The following SEMA6D variants were observed in gnomAD, a reference collection of about 807,000 sequenced individuals.
The protein encoded by SEMA6D is semaphorin 6D.
SEMA6D carries 35 observed loss-of-function variants against 106.6 expected under a neutral mutation model. That is an observed-to-expected ratio of 0.33 (90% CI 0.25 to 0.44). The LOEUF (loss-of-function observed/expected upper bound fraction) is 0.44. Ranked by LOEUF, SEMA6D falls within the 20% of genes least tolerant of loss-of-function variation. The pLI, the probability that SEMA6D is intolerant of heterozygous loss-of-function variation, is 1.00. For missense variants in SEMA6D, 1,185 were observed against 1,345.9 expected, an observed-to-expected ratio of 0.88 and a Z score of 1.87; for synonymous variants, 499 against 487.7, an observed-to-expected ratio of 1.02 and a Z score of -0.31.
At chr15:47,280,376 C>T (rs1039277835) in intron 1 of SEMA6D, among the ~76,000 whole-genome samples, 9 of 151,216 alleles carry the variant, frequency 6.0e-5, no homozygotes, top group East Asian at 2.0e-4. Flanking sequence ...TGGTGATATC[C>T]TCTTTATCAT....
At chr15:47,643,750 C>T (rs1034820724) in intron 4 of SEMA6D, among the ~76,000 whole-genome samples, 3 of 152,170 alleles carry the variant, frequency 2.0e-5, no homozygotes, top group African/African-American at 7.2e-5. Context: ...TTTATCATTT[C>T]TGTGTGTTGG....
chr15:47,520,816 GGGAGGGTGCCAGAA>G (rs1177533077), intron 3 of SEMA6D, among the ~76,000 whole-genome samples: 1 of 152,204 alleles, frequency 6.6e-6, no homozygotes, highest in Non-Finnish European at 1.5e-5. Context: ...CAAAGAGGAA[GGGAGGGTGCCAGAA>G]GGAGGCTAGA....
chr15:47,354,616 T>C (rs79185687), intron 1 of SEMA6D, among the ~76,000 whole-genome samples: 1 of 151,760 alleles, frequency 6.6e-6, no homozygotes, highest in African/African-American at 2.4e-5. Flanking sequence ...TATGTACATA[T>C]ATACACACAT....
intron 1 of SEMA6D, among the ~76,000 whole-genome samples, chr15:47,296,482 C>T (rs543665432): frequency 6.6e-6 from 1 of 152,292 alleles, no homozygotes; most frequent in Non-Finnish European, 1.5e-5. Flanking sequence ...TCCAGATAAC[C>T]AGCTGACATT....
At chr15:47,413,235 AAGAG>A (rs1236369061) in intron 2 of SEMA6D, among the ~76,000 whole-genome samples, 3 of 152,228 alleles carry the variant, frequency 2.0e-5, no homozygotes, top group African/African-American at 7.2e-5. Context: ...TTCTTAATAA[AAGAG>A]AGCACCATCT....
At chr15:47,605,103 G>A (rs1566928642) in intron 4 of SEMA6D, among the ~76,000 whole-genome samples, 1 of 152,128 alleles carries the variant, frequency 6.6e-6, no homozygotes, top group Non-Finnish European at 1.5e-5. Flanking sequence ...TGAGAGTCAG[G>A]AATCTGAGAG....
intron 3 of SEMA6D, among the ~76,000 whole-genome samples, chr15:47,511,792 GGGA>G (rs1405742263): frequency 1.3e-5 from 2 of 152,120 alleles, no homozygotes; most frequent in South Asian, 2.1e-4. Flanking sequence ...TCTGGCAGAT[GGGA>G]GGAGGAGATC....
chr15:47,766,146 G>C lies in SEMA6D; in HGVS notation c.1610G>C (p.Ser537Thr). ...ASRDPYCGWL[S>T]QGSCGRVTPG... ...CGTGACCCGTATTGTGGCTGGTTAA[G>C]CCAGGGATCCTGTGGTAGAGTGACC... is the stretch of plus-strand genomic sequence containing the variant. Residue 537 changes from serine (S) to threonine (T), a missense_variant, in exon 15 of 19, where the codon AGC (serine) becomes ACC (threonine). Coordinates refer to ENST00000536845, the MANE Select transcript of SEMA6D (RefSeq NM_001358351.3). 3.1e-6 allele frequency: 5 copies of C among 1,613,584 alleles called. No individual in the cohort carries two copies. The highest frequency in any genetic ancestry group is 4.2e-6 in the Non-Finnish European group (5 of 1,179,698).
At chr15:47,346,190 C>CA (rs2038038519) in intron 1 of SEMA6D, among the ~76,000 whole-genome samples, 2 of 152,192 alleles carry the variant, frequency 1.3e-5, no homozygotes, top group Admixed American at 1.3e-4. Flanking sequence ...TTTGGATTGA[C>CA]AAACTCATGG....
At chr15:47,490,303 T>A (rs186922051) in intron 3 of SEMA6D, among the ~76,000 whole-genome samples, 5 of 152,302 alleles carry the variant, frequency 3.3e-5, no homozygotes, top group African/African-American at 1.2e-4. Flanking sequence ...ACATTTTTGA[T>A]AAGCTGGACT....
intron 2 of SEMA6D, among the ~76,000 whole-genome samples, chr15:47,421,648 A>T (rs970998405): frequency 1.3e-5 from 2 of 151,872 alleles, no homozygotes; most frequent in Non-Finnish European, 2.9e-5. Flanking sequence ...GTACCATATG[A>T]GATTAGATTT....
chr15:47,366,561 A>G (rs1354487816), intron 1 of SEMA6D, among the ~76,000 whole-genome samples: 1 of 152,232 alleles, frequency 6.6e-6, no homozygotes, highest in Non-Finnish European at 1.5e-5. Context: ...ACAGTTGGGA[A>G]ACAGAGAAGA....
chr15:47,438,311 G>A (rs1908794), intron 2 of SEMA6D, among the ~76,000 whole-genome samples: 38,997 of 151,866 alleles, frequency 0.26, 6,149 homozygotes, highest in East Asian at 0.51. Context: ...CTAAGTCATC[G>A]CTCTTCTTTG....
intron 1 of SEMA6D, among the ~76,000 whole-genome samples, chr15:47,272,152 A>C (rs2034587733): frequency 6.6e-6 from 1 of 152,178 alleles, no homozygotes; most frequent in African/African-American, 2.4e-5. Context: ...GAAAAATGGA[A>C]AAGTTAGTTT....
At chr15:47,621,169 A>T (rs530867585) in intron 4 of SEMA6D, among the ~76,000 whole-genome samples, 14 of 152,262 alleles carry the variant, frequency 9.2e-5, no homozygotes, top group Non-Finnish European at 1.0e-4. Flanking sequence ...AGGTGAACAC[A>T]TGTGCATGCA....
intron 1 of SEMA6D, chr15:47,396,865 G>A (rs1401458711): frequency 6.6e-6 from 1 of 152,158 alleles, no homozygotes; most frequent in African/African-American, 2.4e-5. Context: ...AAAAGCAGGG[G>A]GGAATGCCGG....
chr15:47,408,650 T>C (rs1044987573), intron 1 of SEMA6D, among the ~76,000 whole-genome samples: 6 of 152,210 alleles, frequency 3.9e-5, no homozygotes, highest in African/African-American at 1.4e-4. Context: ...ATCTAGGTAT[T>C]ATTGGACAAG....
intron 1 of SEMA6D, among the ~76,000 whole-genome samples, chr15:47,367,149 C>T (rs187931150): frequency 8.9e-4 from 136 of 152,278 alleles, no homozygotes; most frequent in African/African-American, 3.1e-3. Flanking sequence ...CTATAATTCA[C>T]CTGCCAGAGT....
At chr15:47,458,119 A>G (rs992532658) in intron 2 of SEMA6D, among the ~76,000 whole-genome samples, 2 of 152,018 alleles carry the variant, frequency 1.3e-5, no homozygotes, top group African/African-American at 4.8e-5. Flanking sequence ...CTAGATCTAT[A>G]CAAAGTAATA....
Sources: allele counts gnomAD v4.1 joint callset (sites outside exome capture counted in the v4.1 genomes callset), GRCh38; gene constraint gnomAD v4.1.1; transcripts MANE v1.5; gene names NCBI Gene and HGNC (gene_info 2026-07-23, HGNC 2026-07-21).